The following NELL1 variants were observed in gnomAD, a reference collection of about 807,000 sequenced individuals.
The protein encoded by NELL1 is protein kinase C-binding protein NELL1.
A neutral mutation model predicts 107.4 loss-of-function variants in NELL1; 76 were observed. The observed-to-expected ratio is 0.71, with a 90% CI of 0.59 to 0.86. The LOEUF (loss-of-function observed/expected upper bound fraction) is 0.86, where lower values mean the gene tolerates loss of function less well. Ranked by LOEUF, NELL1 falls within the 40% of genes least tolerant of loss-of-function variation. NELL1 has a pLI of 0.00. For synonymous variants in NELL1, 353 were observed against 341.2 expected, an observed-to-expected ratio of 1.03 and a Z score of -0.38; for missense variants, 1,024 against 1,005.5, an observed-to-expected ratio of 1.02 and a Z score of -0.25.
At chr11:20,958,318 T>C (rs541338007) in intron 11 of NELL1, among the ~76,000 whole-genome samples, 34 of 151,788 alleles carry the variant, frequency 2.2e-4, no homozygotes, top group African/African-American at 8.0e-4. Flanking sequence ...GTTGCCGAGG[T>C]GGGAGGATCA....
intron 4 of NELL1, among the ~76,000 whole-genome samples, chr11:20,881,324 C>G (rs1045606049): frequency 6.6e-6 from 1 of 152,120 alleles, no homozygotes; most frequent in Non-Finnish European, 1.5e-5. Context: ...TGTATTTTAA[C>G]TCTTTGATAA....
chr11:21,418,257 T>C (rs1348207843), intron 15 of NELL1, among the ~76,000 whole-genome samples: 1 of 152,010 alleles, frequency 6.6e-6, no homozygotes, highest in African/African-American at 2.4e-5. Context: ...TGAATATGTT[T>C]ATGCTTCAGT....
intron 13 of NELL1, among the ~76,000 whole-genome samples, chr11:21,224,121 A>T (rs977619158): frequency 2.0e-5 from 3 of 152,100 alleles, no homozygotes; most frequent in African/African-American, 7.2e-5. Context: ...TGAAAGTTTG[A>T]CTATAATGTG....
intron 2 of NELL1, among the ~76,000 whole-genome samples, chr11:20,724,807 G>A (rs1855472607): frequency 1.3e-5 from 2 of 152,106 alleles, no homozygotes; most frequent in Non-Finnish European, 2.9e-5. Context: ...CACTCTGCCG[G>A]TACCAATTAT....
At chr11:21,129,298 G>C (rs1295898103) in intron 13 of NELL1, among the ~76,000 whole-genome samples, 1 of 152,128 alleles carries the variant, frequency 6.6e-6, no homozygotes, top group East Asian at 1.9e-4. Context: ...CTGTTGGCGA[G>C]CACGTAAACA....
intron 15 of NELL1, among the ~76,000 whole-genome samples, chr11:21,427,965 G>A (rs1264477747): frequency 1.3e-5 from 2 of 152,178 alleles, no homozygotes; most frequent in Non-Finnish European, 2.9e-5. Flanking sequence ...GGGATGGCAG[G>A]TTTCACTGAT....
In NELL1 at chr11:21,353,621, C is replaced by T. The variant is rs577965316; in HGVS notation, c.1550-17232C>T. Among the ~76,000 whole-genome samples, 18 of 152,266 alleles carry T rather than the reference C, an allele frequency of 1.2e-4. No homozygotes were observed. The East Asian group carries it at 1.9e-3, about 16-fold the overall frequency. Reference sequence around the variant, plus strand: ...GCAGATCGCTGGGCTCCAGTGCCAGCGGCTGTGTGCAGCATGAAAGCAGCT... The same window carrying T: ...GCAGATCGCTGGGCTCCAGTGCCAGTGGCTGTGTGCAGCATGAAAGCAGCT... On this transcript the variant is annotated intron_variant, in intron 14 of 19. Coordinates refer to ENST00000357134, the MANE Select transcript of NELL1 (RefSeq NM_006157.5).
In NELL1 at chr11:21,575,090, A is replaced by T; in HGVS notation, c.*68A>T. The T allele has an allele frequency of 7.3e-7, 1 of 1,365,130 alleles. No individual in the cohort carries two copies. Among genetic ancestry groups the T allele is most frequent in the Middle Eastern group, 1.8e-4 (1 of 5,550 alleles). 84.6% of individuals were successfully genotyped at this position (1,365,130 alleles called of 1,614,324 possible). A position where few individuals can be genotyped will look rare whatever the true frequency, so the allele number is the denominator to read the frequency against. On this transcript the variant is annotated 3_prime_UTR_variant, in exon 20 of 20. Transcript: ENST00000357134. Reference sequence around the variant, plus strand: ...CCATCCAACGTGATTAAGGATAGGAATCGGTAGTTTGGTTTTTTTGTTTGT... The same window carrying T: ...CCATCCAACGTGATTAAGGATAGGATTCGGTAGTTTGGTTTTTTTGTTTGT...
intron 15 of NELL1, among the ~76,000 whole-genome samples, chr11:21,501,809 T>TA (rs1855150638): frequency 6.6e-6 from 1 of 152,152 alleles, no homozygotes; most frequent in Non-Finnish European, 1.5e-5. Flanking sequence ...GCATTATTTC[T>TA]AAAAAAGTAT....
chr11:21,421,749 C>A (rs886586720), intron 15 of NELL1, among the ~76,000 whole-genome samples: 1 of 152,102 alleles, frequency 6.6e-6, no homozygotes, highest in Non-Finnish European at 1.5e-5. Flanking sequence ...TGGCCAAAAA[C>A]TCCCCAAGTT....
intron 3 of NELL1, among the ~76,000 whole-genome samples, chr11:20,844,576 A>G (rs546410036): frequency 6.6e-6 from 1 of 152,258 alleles, no homozygotes; most frequent in South Asian, 2.1e-4. Flanking sequence ...TGCTCACTAG[A>G]TCAGCCTACT....
chr11:21,541,451 G>A (rs1291065941), intron 16 of NELL1, among the ~76,000 whole-genome samples: 1 of 152,094 alleles, frequency 6.6e-6, no homozygotes, highest in Non-Finnish European at 1.5e-5. Context: ...TGGTGGATGT[G>A]TCAGGAATAA....
intron 3 of NELL1, among the ~76,000 whole-genome samples, chr11:20,830,953 T>C (rs1857995931): frequency 6.6e-6 from 1 of 152,172 alleles, no homozygotes; most frequent in African/African-American, 2.4e-5. Flanking sequence ...ACATGAGTTT[T>C]GGTGGGGACA....
chr11:21,306,281 G>A lies in NELL1; in HGVS notation c.1550-64572G>A, dbSNP rs572944906. Among the ~76,000 whole-genome samples the A allele has an allele frequency of 3.2e-4, 48 of 152,052 alleles. No homozygotes were observed. The South Asian group carries it at 6.4e-3, about 20-fold the overall frequency. ...CAGTTGGTCAATCTACTGACATGACGGGTCATTTCATCTATAAGAGTGGAT... is the reference window on the plus strand; with the variant it reads ...CAGTTGGTCAATCTACTGACATGACAGGTCATTTCATCTATAAGAGTGGAT... On this transcript the variant is annotated intron_variant, in intron 14 of 19. Transcript: ENST00000357134.
chr11:21,441,270 T>G (rs1853274773), intron 15 of NELL1, among the ~76,000 whole-genome samples: 2 of 151,882 alleles, frequency 1.3e-5, no homozygotes, highest in African/African-American at 2.4e-5. Context: ...TCATTTCTAT[T>G]TATAATATTT....
At chr11:20,703,369 C>G (rs12365391) in intron 2 of NELL1, among the ~76,000 whole-genome samples, 1 of 151,750 alleles carries the variant, frequency 6.6e-6, no homozygotes, top group African/African-American at 2.4e-5. Context: ...TTTTTTATTG[C>G]GTCTATTTGA....
At chr11:20,703,062 A>T (rs1854840402) in intron 2 of NELL1, among the ~76,000 whole-genome samples, 2 of 152,180 alleles carry the variant, frequency 1.3e-5, no homozygotes, top group Admixed American at 1.3e-4. Flanking sequence ...TGATTGAAAT[A>T]GTTTCAGAAG....
chr11:20,695,494 A>G (rs575620680), intron 2 of NELL1, among the ~76,000 whole-genome samples: 1 of 152,188 alleles, frequency 6.6e-6, no homozygotes, highest in Admixed American at 6.5e-5. Flanking sequence ...GAGGGTTTTT[A>G]TCATAAAGAG....
intron 14 of NELL1, among the ~76,000 whole-genome samples, chr11:21,288,904 T>A: frequency 6.6e-6 from 1 of 152,152 alleles, no homozygotes; most frequent in East Asian, 1.9e-4. Context: ...GTATGTGGTA[T>A]GTGGTATTTT....
Sources: gnomAD v4.1 joint callset for allele counts (sites outside exome capture counted in the v4.1 genomes callset) on GRCh38, gnomAD v4.1.1 for gene constraint, MANE v1.5 for transcripts, NCBI Gene and HGNC (gene_info 2026-07-23, HGNC 2026-07-21) for gene names.